ZFC3H1: variants seen among roughly 807,000 people sequenced by gnomAD.
ZFC3H1 encodes the protein zinc finger C3H1-type containing, also known as zinc finger C3H1 domain-containing protein.
In ZFC3H1, 71 loss-of-function variants were observed where a neutral mutation model predicts 243.7. The observed-to-expected ratio is 0.29, with a 90% CI of 0.24 to 0.36. ZFC3H1 has a LOEUF of 0.36. Among genes scored for constraint, ZFC3H1 ranks in the 10% least tolerant of loss-of-function variants. ZFC3H1 has a pLI of 1.00. For synonymous variants in ZFC3H1, 838 were observed against 813.0 expected, an observed-to-expected ratio of 1.03 and a Z score of -0.52; for missense variants, 1,966 against 2,317.1, an observed-to-expected ratio of 0.85 and a Z score of 3.11.
intron 7 of ZFC3H1, among the ~76,000 whole-genome samples, chr12:71,637,749 C>T (rs1353059868): frequency 6.6e-6 from 1 of 152,100 alleles, no homozygotes; most frequent in African/African-American, 2.4e-5. Context: ...CATATATGTT[C>T]TAGAAAGACA....
rs116749956 is a variant in ZFC3H1, at chr12:71,653,597, A to G, written c.1015+3288T>C. On this transcript the variant is annotated intron_variant, in intron 2 of 34. Transcript: ENST00000378743. ...ACATCACACAGTTCAACTACAGAAT[A>G]TCAAAGACAAAAAGGATCTTTAAAA... Among the ~76,000 whole-genome samples, 169 of 152,374 alleles carry G rather than the reference A, an allele frequency of 1.1e-3. 1 individual carries two copies. The highest frequency in any genetic ancestry group is 4.0e-3 in the African/African-American group (166 of 41,592).
chr12:71,640,419 C>T lies in ZFC3H1; in HGVS notation c.1628-1904G>A, dbSNP rs576546978. On this transcript the variant is annotated intron_variant, in intron 6 of 34. Transcript: ENST00000378743. ...AAAGACCAGGTGGACTGGCCCCAGC[C>T]CAGATCAAGATGCAGAGGCCAAGAT... Among the ~76,000 whole-genome samples the T allele has an allele frequency of 1.6e-4, 25 of 152,344 alleles. No homozygotes were observed. In the East Asian group the frequency reaches 4.8e-3, roughly 29 times the overall value.
In ZFC3H1 at chr12:71,635,513, G is replaced by A. The variant is rs377504549; in HGVS notation, c.2168C>T (p.Ala723Val). 2.0e-5 allele frequency: 31 copies of A among 1,568,442 alleles called. No individual in the cohort carries two copies. The highest frequency in any genetic ancestry group is 2.6e-5 in the Non-Finnish European group (30 of 1,164,642). Residue 723 changes from alanine to valine, a missense_variant, in exon 10 of 35, where the codon GCT (alanine) becomes GTT (valine). Transcript: ENST00000378743. ...DSDDSESDGEASKSTNSVFGG... is the reference protein window; with the variant it reads ...DSDDSESDGEVSKSTNSVFGG... ...AAAAACACTATTTGTTGACTTGGAA[G>A]CCTCTCCATCAGATTCACTATCATC...
intron 10 of ZFC3H1, among the ~76,000 whole-genome samples, chr12:71,635,050 A>C (rs1331507488): frequency 6.6e-6 from 1 of 152,214 alleles, no homozygotes; most frequent in Non-Finnish European, 1.5e-5. Flanking sequence ...CATTGAATTA[A>C]ATCACAGCTA....
intron 9 of ZFC3H1, 123 bp from the exon 10 acceptor site, chr12:71,635,703 T>A (rs1347923303): frequency 1.1e-6 from 1 of 903,954 alleles, no homozygotes; most frequent in Non-Finnish European, 1.5e-6. Flanking sequence ...TAGGGTTGTA[T>A]TACATAATCC....
intron 33 of ZFC3H1, 134 bp downstream of exon 33, chr12:71,610,924 T>C (rs1371126777): frequency 6.9e-7 from 1 of 1,448,328 alleles, no homozygotes; most frequent in African/African-American, 1.4e-5. Flanking sequence ...TTAACTACTT[T>C]TGTTTCCCCA....
chr12:71,654,962 T>C (rs1880980792), intron 2 of ZFC3H1, among the ~76,000 whole-genome samples: 1 of 152,160 alleles, frequency 6.6e-6, no homozygotes, highest in Non-Finnish European at 1.5e-5. Context: ...ATGACTCAAT[T>C]ACCCACCTTC....
At chr12:71,617,359 G>C (rs1011593937) in intron 27 of ZFC3H1, among the ~76,000 whole-genome samples, 3 of 152,102 alleles carry the variant, frequency 2.0e-5, no homozygotes, top group Non-Finnish European at 2.9e-5. Context: ...GTCTAAATAA[G>C]CTATAAACAG....
chr12:71,662,908 A>C, intron 1 of ZFC3H1, 105 bp downstream of exon 1: 1 of 1,129,038 alleles, frequency 8.9e-7, no homozygotes, highest in African/African-American at 1.5e-5. Context: ...AGGGAGAAAT[A>C]AGCGGTTCTG....
chr12:71,649,523 T>G (rs561041584), intron 2 of ZFC3H1, among the ~76,000 whole-genome samples: 1 of 152,226 alleles, frequency 6.6e-6, no homozygotes. Context: ...TTTTTTTATA[T>G]GCCACGGACA....
At chr12:71,611,337 G>A (rs186812192) in intron 32 of ZFC3H1, 26 of 253,424 alleles carry the variant, frequency 1.0e-4, no homozygotes, top group Non-Finnish European at 1.5e-4. Flanking sequence ...CATAAATAAC[G>A]TTCACAGGAG....
chr12:71,629,796 G>T, intron 18 of ZFC3H1, 86 bp from the exon 19 acceptor site: 1 of 847,882 alleles, frequency 1.2e-6, no homozygotes, highest in Non-Finnish European at 1.9e-6. Context: ...ACTAGTTTAA[G>T]AATTAAAGGC....
intron 2 of ZFC3H1, 156 bp downstream of exon 2, chr12:71,656,729 A>C: frequency 1.3e-6 from 1 of 773,846 alleles, no homozygotes; most frequent in Non-Finnish European, 2.0e-6. Flanking sequence ...AGTAAACAAA[A>C]TTAGTAATTA....
rs1455547770 is a variant in ZFC3H1 at position 71,614,682 on chromosome 12, A to G, written c.5379T>C (p.Asn1793=). ...KIWMDYLVFA[N]NRAAGSRNKV... ...TGTTTCTGGATCCAGCAGCTCTATT[A>G]TTTGCAAAGACAAGATAACTGCCAA... is the stretch of plus-strand genomic sequence containing the variant. The change falls in exon 30 of 35, where the codon AAT becomes AAC. Residue 1793 remains asparagine (N), a synonymous_variant. Coordinates refer to ENST00000378743, the MANE Select transcript of ZFC3H1 (RefSeq NM_144982.5). The G allele has an allele frequency of 6.2e-7, 1 of 1,606,782 alleles. No individual in the cohort carries two copies. Among genetic ancestry groups the G allele is most frequent in the East Asian group, 2.2e-5 (1 of 44,790 alleles).
intron 22 of ZFC3H1, among the ~76,000 whole-genome samples, chr12:71,625,226 C>T (rs1299531814): frequency 6.6e-6 from 1 of 152,296 alleles, no homozygotes; most frequent in Middle Eastern, 3.4e-3. Context: ...TTATCCAAAT[C>T]TATTTGGTTC....
At chr12:71,659,944 A>G (rs914420369) in intron 1 of ZFC3H1, among the ~76,000 whole-genome samples, 2 of 152,242 alleles carry the variant, frequency 1.3e-5, no homozygotes, top group African/African-American at 4.8e-5. Flanking sequence ...ACATGCTAAG[A>G]TGTACTGACA....
Position 71,663,627 on chromosome 12 carries a change from T to G in ZFC3H1, c.-17A>C. The G allele has an allele frequency of 6.2e-7, 1 of 1,603,242 alleles. No homozygotes were observed. The highest frequency in any genetic ancestry group is 8.5e-7 in the Non-Finnish European group (1 of 1,177,474). ...GGTCGCCATCCGGGGAGCAGCGCCT[T>G]CCACACAACCTTAGCCCTCCGTCCG... On this transcript the variant is annotated 5_prime_UTR_variant, in exon 1 of 35. Coordinates refer to ENST00000378743, the MANE Select transcript of ZFC3H1 (RefSeq NM_144982.5).
intron 11 of ZFC3H1, 128 bp from the exon 12 acceptor site, chr12:71,634,432 T>C: frequency 1.7e-6 from 2 of 1,177,144 alleles, no homozygotes; most frequent in Non-Finnish European, 2.3e-6. Flanking sequence ...ATGACCAATA[T>C]GCAAGACCCA....
chr12:71,619,704 G>A (rs758086713), intron 26 of ZFC3H1, among the ~76,000 whole-genome samples: 13 of 152,090 alleles, frequency 8.5e-5, no homozygotes, highest in Non-Finnish European at 1.5e-5. Flanking sequence ...CTGCAAATAT[G>A]AGTAAACATG....
Sources: gnomAD v4.1 joint callset for allele counts (sites outside exome capture counted in the v4.1 genomes callset) on GRCh38, gnomAD v4.1.1 for gene constraint, MANE v1.5 for transcripts, NCBI Gene and HGNC (gene_info 2026-07-23, HGNC 2026-07-21) for gene names.